The following GDF5 variants were observed in gnomAD, a reference collection of about 807,000 sequenced individuals.
GDF5 encodes the protein growth/differentiation factor 5.
GDF5 carries 17 observed loss-of-function variants against 34.6 expected under a neutral mutation model. That is an observed-to-expected ratio of 0.49 (90% CI 0.34 to 0.74). The LOEUF is 0.74. GDF5 is among the 30% of genes least tolerant of loss of function. The pLI, the probability that GDF5 is intolerant of heterozygous loss-of-function variation, is 0.01. For synonymous variants in GDF5, 332 were observed against 290.7 expected (o/e 1.14, Z -1.44); for missense variants, 616 against 661.2 (o/e 0.93, Z 0.75).
chr20:35,451,090 T>TATATATATATATATATATAC (rs2062531792), intron 1 of GDF5, among the ~76,000 whole-genome samples: 1 of 131,364 alleles, frequency 7.6e-6, no homozygotes, highest in Admixed American at 7.7e-5. Context: ...TATATATATA[T>TATATATATATATATATATAC]ATACACAAAT....
chr20:35,434,533 G>C lies in GDF5; in HGVS notation c.882C>G (p.Phe294Leu). 6.2e-7 allele frequency: 1 copy of C among 1,601,624 alleles called. No individual in the cohort carries two copies. The highest frequency in any genetic ancestry group is 8.5e-7 in the Non-Finnish European group (1 of 1,173,188). ...AGTTTCGGAAGAGCTTCCAGATGTC[G>C]AACACCTCCCAGCCAGATCCGTCCA... is the stretch of plus-strand genomic sequence containing the variant. ...PGLDGSGWEV[F>L]DIWKLFRNFK... The change falls in exon 2 of 2, where the codon TTC (phenylalanine) becomes TTG (leucine). Residue 294 changes from phenylalanine to leucine, a missense_variant. Transcript: ENST00000374369.
rs112257473 is a variant in GDF5, at chr20:35,446,876, C to T, written c.-397-5489G>A. On this transcript the variant is annotated intron_variant, in intron 1 of 3. Transcript: ENST00000374372. ...GTCCCTTCCCTTTTCATCTGTGCTC[C>T]TTCTAATCTGTGGGGACTGCCTGTC... 3.2e-3 allele frequency among the ~76,000 whole-genome samples: 418 copies of T among 130,478 alleles called. 1 individual carries two copies. The highest frequency in any genetic ancestry group is 0.011 in the African/African-American group (366 of 34,078). 85.6% of individuals were successfully genotyped at this position (130,478 alleles called of 152,430 possible).
Position 35,433,997 on chromosome 20 carries a change from G to T in GDF5, c.1418C>A (p.Pro473His). The T allele has an allele frequency of 6.2e-7, 1 of 1,613,494 alleles. No homozygotes were observed. Among genetic ancestry groups the T allele is most frequent in the Non-Finnish European group, 8.5e-7 (1 of 1,179,422 alleles). The change falls in exon 2 of 2, where the codon CCC becomes CAC. Residue 473 changes from proline (P) to histidine (H), a missense_variant. Physicochemically the swap from Pro to His is moderately conservative, Grantham distance 77. Coordinates refer to ENST00000374369, the MANE Select transcript of GDF5 (RefSeq NM_000557.5). ...AGAGTCAATGAAGAGGATGCTGATG[G>T]GACTCAGCCGCGTGGGCACACAGCA... ...PTCCVPTRLSPISILFIDSAN... is the reference protein window; with the variant it reads ...PTCCVPTRLSHISILFIDSAN...
At chr20:35,443,824 T>C (rs2062505823) in intron 1 of GDF5, among the ~76,000 whole-genome samples, 1 of 152,172 alleles carries the variant, frequency 6.6e-6, no homozygotes, top group Non-Finnish European at 1.5e-5. Context: ...CAGATTATTA[T>C]TATCCCTTTT....
chr20:35,449,983 T>C (rs1307727732), intron 1 of GDF5, among the ~76,000 whole-genome samples: 1 of 147,680 alleles, frequency 6.8e-6, no homozygotes, highest in Non-Finnish European at 1.5e-5. Context: ...AGCAAAACCC[T>C]GTCTCTTAAA....
rs1480820638 is a variant in GDF5, at chr20:35,434,601, G to A, written c.814C>T (p.Arg272Trp). 6.3e-7 allele frequency: 1 copy of A among 1,590,128 alleles called. No individual in the cohort carries two copies. Among genetic ancestry groups the A allele is most frequent in the Non-Finnish European group, 8.6e-7 (1 of 1,166,562 alleles). Reference protein sequence around the residue: ...QLKLSSCPSGRQPAALLDVRS... With the variant: ...QLKLSSCPSGWQPAALLDVRS... ...ACATCCAGCAAGGCGGCCGGCTGCC[G>A]GCCGCTGGGGCAGCTGGACAGCTTC... Residue 272 changes from arginine (R) to tryptophan (W), a missense_variant, in exon 2 of 2, where the codon CGG (arginine) becomes TGG (tryptophan). Coordinates refer to ENST00000374369, the MANE Select transcript of GDF5 (RefSeq NM_000557.5).
chr20:35,434,219 C>A lies in GDF5; in HGVS notation c.1196G>T (p.Arg399Leu). The A allele has an allele frequency of 6.2e-7, 1 of 1,614,202 alleles. No individual in the cohort carries two copies. Residue 399 changes from arginine to leucine, a missense_variant, in exon 2 of 2, where the codon CGC (arginine) becomes CTC (leucine). By Grantham distance (102) the Arg-to-Leu change is moderately radical. Coordinates refer to ENST00000374369, the MANE Select transcript of GDF5 (RefSeq NM_000557.5). ...GKRPSKNLKA[R>L]CSRKALHVNF... ...GACATGCAGTGCCTTCCGACTGCAG[C>A]GAGCCTTAAGGTTCTTGCTGGGTCG... is the stretch of plus-strand genomic sequence containing the variant.
At chr20:35,448,846 A>G (rs2062522191) in intron 1 of GDF5, among the ~76,000 whole-genome samples, 1 of 152,194 alleles carries the variant, frequency 6.6e-6, no homozygotes, top group African/African-American at 2.4e-5. Flanking sequence ...GATGTCATCC[A>G]CTTCAAGAAT....
chr20:35,453,975 C>A (rs778051483), intron 1 of GDF5: 2 of 534,642 alleles, frequency 3.7e-6, no homozygotes, highest in Admixed American at 3.9e-5. Context: ...ATCAGAATCA[C>A]CCTGGGTACT....
Position 35,433,614 on chromosome 20 carries a change from A to G in GDF5, c.*295T>C. 2.2e-6 allele frequency: 1 copy of G among 451,906 alleles called. No homozygotes were observed. Among genetic ancestry groups the G allele is most frequent in the Non-Finnish European group, 4.1e-6 (1 of 242,538 alleles). 28.0% of individuals were successfully genotyped at this position (451,906 alleles called of 1,614,324 possible). A position where few individuals can be genotyped will look rare whatever the true frequency, so the allele number is the denominator to read the frequency against. On this transcript the variant is annotated 3_prime_UTR_variant, in exon 2 of 2. Transcript: ENST00000374369. ...GAGGAGAAATGGTGGGCTGAGTCTC[A>G]TCGGAAAGCACTGTTTCCTGGGACT...
intron 1 of GDF5, among the ~76,000 whole-genome samples, chr20:35,447,568 CAT>C (rs373707730): frequency 6.6e-5 from 10 of 152,236 alleles, no homozygotes; most frequent in African/African-American, 1.7e-4. Context: ...AAAATAACCA[CAT>C]GTTTTACATA....
At chr20:35,435,388 G>C (rs1469470746) in intron 1 of GDF5, 1 of 140,268 alleles carries the variant, frequency 7.1e-6, no homozygotes, top group African/African-American at 2.7e-5. Context: ...GGAGGTCAAG[G>C]CTTCAGTGAG....
intron 1 of GDF5, among the ~76,000 whole-genome samples, chr20:35,435,952 G>C (rs1384418705): frequency 2.0e-5 from 3 of 152,168 alleles, no homozygotes; most frequent in African/African-American, 7.2e-5. Flanking sequence ...GCATATGTGT[G>C]TGATTCGGCA....
chr20:35,437,678 C>A lies in GDF5; in HGVS notation c.251G>T (p.Gly84Val). 1 of 1,614,136 alleles carries A rather than the reference C, an allele frequency of 6.2e-7. No individual in the cohort carries two copies. The highest frequency in any genetic ancestry group is 8.5e-7 in the Non-Finnish European group (1 of 1,179,994). ...ATCCTTCTTGGGCTGTGTCAGGCCT[C>A]CTGTCTGCCCGGTGCCTCCCTTTGC... ...ARAKGGTGQT[G>V]GLTQPKKDEP... The change falls in exon 1 of 2, where the codon GGA becomes GTA. Residue 84 changes from glycine (G) to valine (V), a missense_variant. Transcript: ENST00000374369.
upstream of GDF5, among the ~76,000 whole-genome samples, chr20:35,442,702 G>A (rs1020219284): frequency 1.1e-4 from 16 of 151,032 alleles, no homozygotes; most frequent in Non-Finnish European, 2.1e-4. Context: ...GCACCAAGAC[G>A]CCCGGCTAAT....
chr20:35,448,914 G>GA (rs2062522398), intron 1 of GDF5, among the ~76,000 whole-genome samples: 2 of 152,200 alleles, frequency 1.3e-5, no homozygotes, highest in African/African-American at 4.8e-5. Flanking sequence ...GAGGGGGCTA[G>GA]GACTGGAATA....
At chr20:35,438,824 C>CGCGTGTGTGTGT (rs1196886737), upstream of GDF5, among the ~76,000 whole-genome samples, 29 of 126,490 alleles carry the variant, frequency 2.3e-4, 1 homozygote, top group East Asian at 5.9e-3. Context: ...ATTTGTTATG[C>CGCGTGTGTGTGT]GTGTGTGTGT....
intron 1 of GDF5, among the ~76,000 whole-genome samples, chr20:35,435,978 G>C (rs1024479317): frequency 2.6e-5 from 4 of 152,100 alleles, no homozygotes; most frequent in Non-Finnish European, 2.9e-5. Context: ...GTACGTGTGT[G>C]ATTCAGCACG....
chr20:35,453,070 A>T (rs2062539715), intron 1 of GDF5, among the ~76,000 whole-genome samples: 1 of 152,128 alleles, frequency 6.6e-6, no homozygotes, highest in African/African-American at 2.4e-5. Context: ...TAACACGGTG[A>T]AACCCCGTCT....
Sources: gnomAD v4.1 joint callset for allele counts (sites outside exome capture counted in the v4.1 genomes callset) on GRCh38, gnomAD v4.1.1 for gene constraint, MANE v1.5 for transcripts, NCBI Gene and HGNC (gene_info 2026-07-23, HGNC 2026-07-21) for gene names.